SLC7A2: variants seen among roughly 807,000 people sequenced by gnomAD.
The protein encoded by SLC7A2 is cationic amino acid transporter 2.
A neutral mutation model predicts 58.9 loss-of-function variants in SLC7A2; 48 were observed. The observed-to-expected ratio is 0.82, with a 90% CI of 0.65 to 1.04. The LOEUF (loss-of-function observed/expected upper bound fraction) is 1.04, where lower values mean the gene tolerates loss of function less well. Among genes scored for constraint, SLC7A2 ranks in the 50% least tolerant of loss-of-function variants. The pLI is 0.00. For missense variants in SLC7A2, 1,029 were observed against 818.8 expected (o/e 1.26, Z -3.13); for synonymous variants, 363 against 314.5 (o/e 1.15, Z -1.63).
intron 2 of SLC7A2, among the ~76,000 whole-genome samples, chr8:17,509,771 A>G (rs530909520): frequency 3.3e-4 from 51 of 152,268 alleles, no homozygotes; most frequent in Admixed American, 5.9e-4. Flanking sequence ...TACTGAAATT[A>G]TTTGCTGAAT....
At chr8:17,540,102 A>G (rs1043541061) in intron 2 of SLC7A2, among the ~76,000 whole-genome samples, 2 of 152,192 alleles carry the variant, frequency 1.3e-5, no homozygotes, top group South Asian at 2.1e-4. Flanking sequence ...AGTACGAGAT[A>G]CACTTTCTTC....
At chr8:17,507,751 A>G (rs1231581391) in intron 2 of SLC7A2, among the ~76,000 whole-genome samples, 2 of 152,228 alleles carry the variant, frequency 1.3e-5, no homozygotes, top group Non-Finnish European at 2.9e-5. Flanking sequence ...TAATAGAAAT[A>G]TGCCCTAAAG....
intron 2 of SLC7A2, chr8:17,511,135 C>G (rs1396706732): frequency 1.3e-5 from 2 of 152,032 alleles, no homozygotes; most frequent in Non-Finnish European, 2.9e-5. Context: ...AGCATTAGCA[C>G]AAATAGCTAA....
intron 8 of SLC7A2, among the ~76,000 whole-genome samples, chr8:17,558,066 C>A (rs531282311): frequency 4.6e-5 from 7 of 152,084 alleles, no homozygotes; most frequent in Non-Finnish European, 1.0e-4. Flanking sequence ...AAGTAGAATG[C>A]GCCTTGGATA....
At chr8:17,557,489 A>G (rs1174208247) in intron 8 of SLC7A2, among the ~76,000 whole-genome samples, 1 of 152,182 alleles carries the variant, frequency 6.6e-6, no homozygotes, top group Non-Finnish European at 1.5e-5. Flanking sequence ...TCATAAACAT[A>G]ATTTAATTGA....
At chr8:17,513,203 T>C (rs1800674144) in intron 2 of SLC7A2, among the ~76,000 whole-genome samples, 1 of 152,198 alleles carries the variant, frequency 6.6e-6, no homozygotes, top group African/African-American at 2.4e-5. Flanking sequence ...ATATATTAAT[T>C]CTGTTTTTAG....
chr8:17,562,325 A>T (rs1291138669), intron 11 of SLC7A2, among the ~76,000 whole-genome samples: 10 of 149,636 alleles, frequency 6.7e-5, no homozygotes, highest in African/African-American at 2.0e-4. Context: ...CCTGCCTCGG[A>T]CTCCCCAGTA....
intron 9 of SLC7A2, among the ~76,000 whole-genome samples, 194 bp downstream of exon 9, chr8:17,558,591 A>G (rs1433847577): frequency 6.6e-6 from 1 of 152,236 alleles, no homozygotes; most frequent in Non-Finnish European, 1.5e-5. Context: ...CAAGTTGACC[A>G]TGAGTGATAG....
At position 17,566,234 on chromosome 8, in the gene SLC7A2, C is replaced by A. The variant is rs1463002423; in HGVS notation, c.*1088C>A. ...ACCTCGTCAGGCCCAGAGTTCACTTCTTTGTTTCTCTGTTTCTTTTGTCTT... is the reference window on the plus strand; with the variant it reads ...ACCTCGTCAGGCCCAGAGTTCACTTATTTGTTTCTCTGTTTCTTTTGTCTT... On this transcript the variant is annotated 3_prime_UTR_variant, in exon 13 of 13. Coordinates refer to ENST00000494857, the MANE Select transcript of SLC7A2 (RefSeq NM_001370338.1). The A allele has an allele frequency of 6.6e-6, 1 of 152,168 alleles. No individual in the cohort carries two copies. Among genetic ancestry groups the A allele is most frequent in the African/African-American group, 2.4e-5 (1 of 41,430 alleles). 9.4% of individuals were successfully genotyped at this position (152,168 alleles called of 1,614,324 possible). A position where few individuals can be genotyped will look rare whatever the true frequency, so the allele number is the denominator to read the frequency against.
At chr8:17,552,517 CCAATCA>C (rs1405692069) in intron 7 of SLC7A2, among the ~76,000 whole-genome samples, 1 of 151,306 alleles carries the variant, frequency 6.6e-6, no homozygotes, top group African/African-American at 2.4e-5. Context: ...CTTCTTAGCA[CCAATCA>C]GAGTGAAGTT....
chr8:17,550,546 G>T (rs1802401120), intron 6 of SLC7A2, 112 bp downstream of exon 6: 1 of 963,918 alleles, frequency 1.0e-6, no homozygotes, highest in Non-Finnish European at 1.5e-6. Flanking sequence ...GGTAAGAAGG[G>T]CACTAGTTCC....
At chr8:17,529,829 G>A (rs1186869277) in intron 2 of SLC7A2, among the ~76,000 whole-genome samples, 4 of 152,154 alleles carry the variant, frequency 2.6e-5, no homozygotes, top group East Asian at 3.9e-4. Context: ...GAGTCACCAC[G>A]CCTGGCCCAG....
intron 4 of SLC7A2, among the ~76,000 whole-genome samples, chr8:17,547,002 T>C (rs1419222909): frequency 6.6e-6 from 1 of 152,180 alleles, no homozygotes; most frequent in African/African-American, 2.4e-5. Context: ...GGAAAATTTA[T>C]TTTTCAGTCT....
chr8:17,524,253 G>C (rs1801130902), intron 2 of SLC7A2, among the ~76,000 whole-genome samples: 2 of 152,000 alleles, frequency 1.3e-5, no homozygotes, highest in African/African-American at 4.8e-5. Context: ...CCCACTACTA[G>C]GTATCTACCA....
In SLC7A2 at chr8:17,556,347, A is replaced by T. The variant is rs140612746; in HGVS notation, c.1195+1648A>T. On this transcript the variant is annotated intron_variant, in intron 8 of 12. Transcript: ENST00000494857. ...AATTTTTAAAAGCTTATCTTTCTCT[A>T]TTCAGGAAGAATTTAATTTGGTGGC... Among the ~76,000 whole-genome samples, 19 of 152,306 alleles carry T rather than the reference A, an allele frequency of 1.2e-4. No individual in the cohort carries two copies. The East Asian group carries it at 2.5e-3, about 20-fold the overall frequency.
intron 2 of SLC7A2, among the ~76,000 whole-genome samples, chr8:17,510,238 T>TAATAAG (rs1800548095): frequency 6.6e-6 from 1 of 151,286 alleles, no homozygotes; most frequent in Non-Finnish European, 1.5e-5. Context: ...CAAATAATAA[T>TAATAAG]AATAATAATA....
chr8:17,555,026 G>C (rs753204015), intron 8 of SLC7A2: 1 of 1,613,994 alleles, frequency 6.2e-7, no homozygotes. Flanking sequence ...TTTCTTGCCA[G>C]AGTGAGTAAG....
intron 6 of SLC7A2, among the ~76,000 whole-genome samples, chr8:17,551,071 GCACAGCAGT>G (rs1802426356): frequency 1.3e-5 from 2 of 152,124 alleles, no homozygotes; most frequent in Admixed American, 1.3e-4. Flanking sequence ...CTACCGAATG[GCACAGCAGT>G]CATTTAATCT....
intron 2 of SLC7A2, among the ~76,000 whole-genome samples, chr8:17,541,594 G>A (rs1046009649): frequency 3.9e-5 from 6 of 152,134 alleles, no homozygotes; most frequent in Non-Finnish European, 5.9e-5. Context: ...TTGGAAGCTT[G>A]TATTTATATT....
Sources: gnomAD v4.1 joint callset for allele counts (sites outside exome capture counted in the v4.1 genomes callset) on GRCh38, gnomAD v4.1.1 for gene constraint, MANE v1.5 for transcripts, NCBI Gene and HGNC (gene_info 2026-07-23, HGNC 2026-07-21) for gene names.